TET3: variants seen among roughly 807,000 people sequenced by gnomAD.
TET3 encodes methylcytosine dioxygenase TET3.
In TET3, 19 loss-of-function variants were observed where a neutral mutation model predicts 141.4. That is an observed-to-expected ratio of 0.13 (90% CI 0.09 to 0.20). The LOEUF is 0.20. Among genes scored for constraint, TET3 ranks in the 10% least tolerant of loss-of-function variants. The probability of loss-of-function intolerance (pLI) is 1.00; values close to 1 mark genes in which losing one functional copy is unlikely to be tolerated. For missense variants in TET3, 1,874 were observed against 2,356.9 expected, an observed-to-expected ratio of 0.80 and a Z score of 4.24; for synonymous variants, 1,043 against 980.9, an observed-to-expected ratio of 1.06 and a Z score of -1.18.
intron 4 of TET3, among the ~76,000 whole-genome samples, chr2:74,061,280 C>G (rs1393717778): frequency 6.9e-6 from 1 of 144,494 alleles, no homozygotes; most frequent in Non-Finnish European, 1.5e-5. Context: ...GGGCGGCTGG[C>G]CAGGCAGAGG....
At chr2:74,068,507 T>C (rs1689031544) in intron 4 of TET3, among the ~76,000 whole-genome samples, 1 of 152,234 alleles carries the variant, frequency 6.6e-6, no homozygotes, top group Admixed American at 6.5e-5. Flanking sequence ...TCCATAATAA[T>C]GGACATTTAG....
At chr2:74,099,206 G>T in intron 10 of TET3, 70 bp from the exon 11 acceptor site, 4 of 1,401,664 alleles carry the variant, frequency 2.9e-6, no homozygotes, top group Non-Finnish European at 3.9e-6. Context: ...TGTTTTGGGT[G>T]CTCAGACCCC....
In TET3 at chr2:74,087,725, C is replaced by T; in HGVS notation, c.2680-105C>T. The T allele has an allele frequency of 5.3e-6, 6 of 1,139,416 alleles. No homozygotes were observed. 70.6% of individuals were successfully genotyped at this position (1,139,416 alleles called of 1,614,324 possible). On this transcript the variant is annotated intron_variant, in intron 6 of 11. Transcript: ENST00000409262. The surrounding 1 kb of genome is among the most constrained non-coding windows in gnomAD (Gnocchi z 4.3). ...AGGGCATGACATCCCTAGAACCCTG[C>T]CGTTAAGACCTGCACCCTGGGTCTG...
At chr2:74,058,337 T>C (rs1241294723) in intron 4 of TET3, among the ~76,000 whole-genome samples, 3 of 152,120 alleles carry the variant, frequency 2.0e-5, no homozygotes, top group African/African-American at 7.2e-5. Context: ...TTGGGAACAC[T>C]CGGTGTTCTC....
At chr2:74,005,448 A>G (rs1243624391) in intron 3 of TET3, among the ~76,000 whole-genome samples, 2 of 152,310 alleles carry the variant, frequency 1.3e-5, no homozygotes, top group East Asian at 3.9e-4. Context: ...CCCTGGTGCC[A>G]CCTTCACACA....
intron 4 of TET3, among the ~76,000 whole-genome samples, chr2:74,069,228 G>A (rs1177257259): frequency 7.3e-5 from 11 of 151,028 alleles, no homozygotes; most frequent in South Asian, 4.2e-4. Context: ...CTTTTTTCCC[G>A]CAGTTGTCCT....
chr2:74,044,609 TG>T (rs973164001), intron 3 of TET3, among the ~76,000 whole-genome samples: 116 of 152,350 alleles, frequency 7.6e-4, no homozygotes, highest in African/African-American at 2.6e-3. Context: ...TCGTTTACCT[TG>T]GTGATGGCGT....
intron 3 of TET3, among the ~76,000 whole-genome samples, chr2:74,036,880 C>G (rs1573753647): frequency 1.3e-5 from 2 of 152,090 alleles, no homozygotes; most frequent in African/African-American, 4.8e-5. Context: ...CCCATTTCAG[C>G]TTTTTTCTAA....
intron 3 of TET3, among the ~76,000 whole-genome samples, chr2:74,007,672 C>T (rs547357546): frequency 6.6e-6 from 1 of 152,320 alleles, no homozygotes; most frequent in African/African-American, 2.4e-5. Flanking sequence ...TCTACTCCTA[C>T]TCCTGGGTTC....
rs1181281816 is a variant in TET3, at chr2:74,047,849, A to C, written c.1932A>C (p.Pro644=). ...SPASQEVQAH[P]PAPLPASQGS... is the part of the protein sequence containing the mutation. ...CCTCCCAGGAAGTGCAGGCTCATCC[A>C]CCGGCCCCTCTGCCTGCCTCACAGG... Residue 644 remains proline, a synonymous_variant, in exon 4 of 12, where the codon CCA becomes CCC. Transcript: ENST00000409262. The C allele has an allele frequency of 6.2e-7, 1 of 1,612,292 alleles. No individual in the cohort carries two copies. The highest frequency in any genetic ancestry group is 1.7e-5 in the Admixed American group (1 of 59,860).
chr2:74,005,055 G>A (rs1685080376), intron 3 of TET3, among the ~76,000 whole-genome samples: 1 of 152,174 alleles, frequency 6.6e-6, no homozygotes, highest in African/African-American at 2.4e-5. Flanking sequence ...TGGCAGGTTT[G>A]TTTACTCCCG....
intron 2 of TET3, among the ~76,000 whole-genome samples, chr2:73,991,140 C>T (rs1003295636): frequency 1.7e-5 from 2 of 119,282 alleles, no homozygotes; most frequent in African/African-American, 6.7e-5. Context: ...GACAGGGTCT[C>T]GCTATTTTGC....
At chr2:74,097,934 G>A (rs1690946012) in intron 10 of TET3, among the ~76,000 whole-genome samples, 1 of 152,098 alleles carries the variant, frequency 6.6e-6, no homozygotes, top group Admixed American at 6.5e-5. Context: ...GACCCCAAAT[G>A]CCAGAGCATC....
At chr2:74,094,288 G>A (rs559033749) in intron 10 of TET3, among the ~76,000 whole-genome samples, 164 of 152,316 alleles carry the variant, frequency 1.1e-3, no homozygotes, top group South Asian at 2.3e-3. Flanking sequence ...AGGGACCAGC[G>A]TGTGTGCAGG....
At chr2:74,120,706 A>T in the TET3 span, 5 of 152,350 alleles carry the variant, frequency 3.3e-5, no homozygotes, top group Non-Finnish European at 7.3e-5. Context: ...TTGACAACTT[A>T]GAAAATCGAT....
In TET3 at chr2:74,046,916, C is replaced by A. The variant is rs1423534659; in HGVS notation, c.999C>A (p.Pro333=). ...LLSSEVPQIS[P]QEGLPLSQSA... is the part of the protein sequence containing the mutation. ...GCTCAGAGGTGCCCCAGATCTCTCC[C>A]CAAGAGGGCCTGCCCCTGTCCCAGA... Residue 333 remains proline, a synonymous_variant, in exon 4 of 12, where the codon CCC becomes CCA. Transcript: ENST00000409262. This position sits in a 1 kb window ranked among gnomAD's most constrained non-coding sequence, Gnocchi z 4.3. 1 of 1,613,908 alleles carries A rather than the reference C, an allele frequency of 6.2e-7. No homozygotes were observed. The highest frequency in any genetic ancestry group is 2.2e-5 in the East Asian group (1 of 44,868).
rs1303702093 is a variant in TET3, at chr2:74,073,533, C to T, written c.2495-16C>T. On this transcript the variant is annotated splice_polypyrimidine_tract_variant and intron_variant, in intron 4 of 11. Transcript: ENST00000409262. ...AATTGATATTCCAAAAATGTTTACT[C>T]TCTGTGTTTCTGCAGAACAAATAGT... 2 of 1,580,120 alleles carry T rather than the reference C, an allele frequency of 1.3e-6. No individual in the cohort carries two copies. Among genetic ancestry groups the T allele is most frequent in the Non-Finnish European group, 8.6e-7 (1 of 1,162,742 alleles).
chr2:74,052,527 C>CT (rs1687998636), intron 4 of TET3, among the ~76,000 whole-genome samples: 1 of 132,220 alleles, frequency 7.6e-6, no homozygotes, highest in South Asian at 2.4e-4. Flanking sequence ...ATGGGAACAA[C>CT]TTTATAAAAG....
chr2:73,995,878 T>C (rs546318885), intron 2 of TET3, among the ~76,000 whole-genome samples: 6 of 152,308 alleles, frequency 3.9e-5, no homozygotes, highest in Admixed American at 3.9e-4. Flanking sequence ...GACAGAACTT[T>C]CCTGGATTCT....
Sources: allele counts gnomAD v4.1 joint callset (sites outside exome capture counted in the v4.1 genomes callset), GRCh38; gene constraint gnomAD v4.1.1; non-coding constraint Gnocchi (gnomAD v3.1); transcripts MANE v1.5; gene names NCBI Gene and HGNC (gene_info 2026-07-23, HGNC 2026-07-21).